The following TACR1 variants were observed in gnomAD, a reference collection of about 807,000 sequenced individuals.
TACR1 encodes substance-P receptor.
A neutral mutation model predicts 35.8 loss-of-function variants in TACR1; 25 were observed. The ratio of observed to expected loss-of-function variants is 0.70; its 90% CI spans 0.51 to 0.98. The LOEUF (loss-of-function observed/expected upper bound fraction) is 0.98. TACR1 is among the 50% of genes least tolerant of loss of function. The probability of loss-of-function intolerance (pLI) is 0.00; values close to 1 mark genes in which losing one functional copy is unlikely to be tolerated. For synonymous variants in TACR1, 195 were observed against 206.7 expected (o/e 0.94, Z 0.48); for missense variants, 478 against 522.9 (o/e 0.91, Z 0.84).
chr2:75,182,231 G>A (rs1386332720), intron 1 of TACR1, among the ~76,000 whole-genome samples: 4 of 152,168 alleles, frequency 2.6e-5, no homozygotes, highest in African/African-American at 7.2e-5. Flanking sequence ...AGGAAGAGAC[G>A]CTCAACCTAG....
At chr2:75,119,786 G>A (rs939077018) in intron 2 of TACR1, among the ~76,000 whole-genome samples, 4 of 152,152 alleles carry the variant, frequency 2.6e-5, no homozygotes, top group Non-Finnish European at 5.9e-5. Context: ...AAAATCCTGG[G>A]TGTAGGTGTA....
intron 1 of TACR1, among the ~76,000 whole-genome samples, chr2:75,133,662 T>C (rs1300441627): frequency 6.6e-6 from 1 of 152,182 alleles, no homozygotes; most frequent in Non-Finnish European, 1.5e-5. Context: ...CTATCCAGGA[T>C]CCTCACACTC....
At chr2:75,151,151 G>A (rs182363186) in intron 1 of TACR1, among the ~76,000 whole-genome samples, 25 of 152,312 alleles carry the variant, frequency 1.6e-4, no homozygotes, top group African/African-American at 6.0e-4. Context: ...CTGACTATGC[G>A]ATAGAAAAGA....
chr2:75,068,945 G>A (rs907016103), intron 2 of TACR1, among the ~76,000 whole-genome samples: 1 of 152,184 alleles, frequency 6.6e-6, no homozygotes, highest in African/African-American at 2.4e-5. Flanking sequence ...GTTTGGCTGT[G>A]TCCCCACCCA....
intron 2 of TACR1, among the ~76,000 whole-genome samples, chr2:75,056,621 G>A (rs1261869551): frequency 6.6e-6 from 1 of 152,172 alleles, no homozygotes; most frequent in Non-Finnish European, 1.5e-5. Flanking sequence ...GTCCTGATCT[G>A]TTGGCCACAC....
In TACR1 at chr2:75,190,094, A is replaced by G. The variant is rs891037862; in HGVS notation, c.389+8452T>C. The G allele has an allele frequency of 5.9e-5, 9 of 152,378 alleles. No individual in the cohort carries two copies. The East Asian group carries it at 1.5e-3, about 26-fold the overall frequency. The allele number at this position is 152,378 out of a possible 1,614,324, so 9.4% of individuals were successfully genotyped here. On this transcript the variant is annotated intron_variant, in intron 1 of 4. Transcript: ENST00000305249. ...AAACTAGATATATAAGAAAACTTCC[A>G]TGATTTATAAAATATGTTCAAAGGC... is the stretch of plus-strand genomic sequence containing the variant.
intron 1 of TACR1, among the ~76,000 whole-genome samples, chr2:75,176,865 T>C (rs538395140): frequency 6.6e-5 from 10 of 152,168 alleles, no homozygotes; most frequent in Non-Finnish European, 1.5e-4. Context: ...GTGACTAGGC[T>C]TTTATCTCCA....
At chr2:75,166,591 A>T (rs1675148401) in intron 1 of TACR1, among the ~76,000 whole-genome samples, 1 of 152,084 alleles carries the variant, frequency 6.6e-6, no homozygotes, top group African/African-American at 2.4e-5. Flanking sequence ...GCTCTCACTG[A>T]CTCTTCCAGA....
chr2:75,169,320 T>G (rs1042904235), intron 1 of TACR1, among the ~76,000 whole-genome samples: 3 of 152,196 alleles, frequency 2.0e-5, no homozygotes, highest in Non-Finnish European at 4.4e-5. Flanking sequence ...AGTATGTCTT[T>G]GTATTGGTTT....
chr2:75,188,216 T>C (rs1175852409), intron 1 of TACR1: 1 of 152,196 alleles, frequency 6.6e-6, no homozygotes, highest in Non-Finnish European at 1.5e-5. Flanking sequence ...TTGTAGGGTT[T>C]TCTTTTGTTT....
chr2:75,053,785 A>G, intron 2 of TACR1, 30 bp from the exon 3 acceptor site: 1 of 1,613,936 alleles, frequency 6.2e-7, no homozygotes, highest in South Asian at 1.1e-5. Context: ...AAAGGTCAGT[A>G]TGATATACTT....
chr2:75,185,555 C>T (rs991143786), intron 1 of TACR1, among the ~76,000 whole-genome samples: 3 of 151,992 alleles, frequency 2.0e-5, no homozygotes, highest in Non-Finnish European at 2.9e-5. Flanking sequence ...ATTTAAAGCT[C>T]TATTAATTCA....
At chr2:75,136,811 A>G (rs895278289) in intron 1 of TACR1, among the ~76,000 whole-genome samples, 1 of 152,238 alleles carries the variant, frequency 6.6e-6, no homozygotes. Context: ...CACAGGAAAC[A>G]TAGGAAGAAA....
At chr2:75,134,611 A>T (rs1440437738) in intron 1 of TACR1, among the ~76,000 whole-genome samples, 1 of 152,216 alleles carries the variant, frequency 6.6e-6, no homozygotes, top group Non-Finnish European at 1.5e-5. Flanking sequence ...AATCTATGGA[A>T]AGCTGTGTGC....
At chr2:75,163,470 A>G (rs1043469052) in intron 1 of TACR1, among the ~76,000 whole-genome samples, 1 of 152,222 alleles carries the variant, frequency 6.6e-6, no homozygotes, top group Non-Finnish European at 1.5e-5. Flanking sequence ...TTTCATAGGC[A>G]TATATTCTAT....
chr2:75,146,428 C>T (rs1040579742), intron 1 of TACR1, among the ~76,000 whole-genome samples: 5 of 152,150 alleles, frequency 3.3e-5, no homozygotes, highest in African/African-American at 9.7e-5. Flanking sequence ...CGGCCAGCAG[C>T]ATCTTAGAAA....
chr2:75,176,325 AT>A (rs112948586), intron 1 of TACR1, among the ~76,000 whole-genome samples: 318 of 141,268 alleles, frequency 2.3e-3, no homozygotes, highest in Middle Eastern at 7.5e-3. Flanking sequence ...GACATTATAC[AT>A]TTTTTTTTTT....
At chr2:75,185,686 A>G (rs758367053) in intron 1 of TACR1, among the ~76,000 whole-genome samples, 1 of 152,246 alleles carries the variant, frequency 6.6e-6, no homozygotes, top group Non-Finnish European at 1.5e-5. Flanking sequence ...GAATATGGAT[A>G]AAGGAACACT....
intron 2 of TACR1, among the ~76,000 whole-genome samples, chr2:75,104,855 T>C (rs1010726361): frequency 6.6e-5 from 10 of 152,074 alleles, no homozygotes; most frequent in East Asian, 1.9e-4. Context: ...AGAACTGTTA[T>C]GATGGCTATT....
Sources: gnomAD v4.1 joint callset for allele counts (sites outside exome capture counted in the v4.1 genomes callset) on GRCh38, gnomAD v4.1.1 for gene constraint, MANE v1.5 for transcripts, NCBI Gene and HGNC (gene_info 2026-07-23, HGNC 2026-07-21) for gene names.